TNFRSF19: variants seen among roughly 807,000 people sequenced by gnomAD.
TNFRSF19 encodes tumor necrosis factor receptor superfamily member 19.
In TNFRSF19, 27 loss-of-function variants were observed where a neutral mutation model predicts 46.4. The ratio of observed to expected loss-of-function variants is 0.58; its 90% confidence interval spans 0.43 to 0.80. TNFRSF19 has a LOEUF of 0.80. Among genes scored for constraint, TNFRSF19 ranks in the 30% least tolerant of loss-of-function variants. TNFRSF19 has a pLI of 0.00. For synonymous variants in TNFRSF19, 204 were observed against 205.0 expected (o/e 1.00, Z 0.04); for missense variants, 511 against 530.8 (o/e 0.96, Z 0.37).
At chr13:23,636,472 C>G (rs1882688355) in intron 5 of TNFRSF19, among the ~76,000 whole-genome samples, 1 of 152,140 alleles carries the variant, frequency 6.6e-6, no homozygotes, top group Admixed American at 6.5e-5. Context: ...CCTTTAGGGA[C>G]AGCTATCTTG....
chr13:23,632,783 T>G (rs924297568), intron 5 of TNFRSF19, among the ~76,000 whole-genome samples: 1 of 152,150 alleles, frequency 6.6e-6, no homozygotes, highest in East Asian at 1.9e-4. Context: ...TATTTTTTGT[T>G]GCAAGCATTA....
chr13:23,675,741 C>T lies in TNFRSF19; in HGVS notation c.*2361C>T, dbSNP rs573989596. 3.9e-5 allele frequency: 6 copies of T among 152,320 alleles called. No individual in the cohort carries two copies. Among genetic ancestry groups the T allele is most frequent in the South Asian group, 2.1e-4 (1 of 4,826 alleles). 9.4% of individuals were successfully genotyped at this position (152,320 alleles called of 1,614,324 possible). A position where few individuals can be genotyped will look rare whatever the true frequency, so the allele number is the denominator to read the frequency against. On this transcript the variant is annotated 3_prime_UTR_variant, in exon 10 of 10. Coordinates refer to ENST00000248484, the MANE Select transcript of TNFRSF19 (RefSeq NM_148957.4). The stretch of plus-strand genomic sequence containing the variant: ...AATGCGTGTGGCTGAATGGGCATAA[C>T]CACTGTGGCTTCTTGTGCTGCAGAA...
chr13:23,632,658 C>T (rs1017420112), intron 5 of TNFRSF19, among the ~76,000 whole-genome samples: 2 of 152,210 alleles, frequency 1.3e-5, no homozygotes. Context: ...TCAAAGGTTG[C>T]TTATGTGGAA....
intron 1 of TNFRSF19, among the ~76,000 whole-genome samples, chr13:23,581,265 C>T (rs1177385233): frequency 6.6e-6 from 1 of 152,172 alleles, no homozygotes; most frequent in Non-Finnish European, 1.5e-5. Flanking sequence ...CCTGCCTCAG[C>T]CTCCCGAGTA....
chr13:23,623,235 C>T (rs1718386723), intron 4 of TNFRSF19, among the ~76,000 whole-genome samples: 1 of 152,208 alleles, frequency 6.6e-6, no homozygotes, highest in Non-Finnish European at 1.5e-5. Flanking sequence ...GCTTGTGTCA[C>T]TTAGCACCAT....
chr13:23,636,785 T>C (rs1261610444), intron 5 of TNFRSF19, among the ~76,000 whole-genome samples: 1 of 152,060 alleles, frequency 6.6e-6, no homozygotes, highest in Non-Finnish European at 1.5e-5. Flanking sequence ...CTGTTGGAAG[T>C]AGAGTTGAGG....
In TNFRSF19 at chr13:23,668,880, G is replaced by C; in HGVS notation, c.1028G>C (p.Ser343Thr). 2 of 1,614,246 alleles carry C rather than the reference G, an allele frequency of 1.2e-6. No individual in the cohort carries two copies. Among genetic ancestry groups the C allele is most frequent in the Non-Finnish European group, 1.7e-6 (2 of 1,180,050 alleles). ...CATTCTCTCAATCCAGAACTTGAAA[G>C]CTCAACGTCTTTGGATTCAAATAGC... The part of the protein sequence containing the change: ...DIHSLNPELE[S>T]STSLDSNSSQ... The change falls in exon 9 of 10, where the codon AGC becomes ACC. Residue 343 changes from serine to threonine, a missense_variant. Ser to Thr is a moderately conservative substitution (Grantham distance 58). Around this residue, in one of 3 missense-constraint regions of TNFRSF19, gnomAD observed 376 missense variants for 372.7 expected, o/e 1.01. Coordinates refer to ENST00000248484, the MANE Select transcript of TNFRSF19 (RefSeq NM_148957.4).
At chr13:23,576,536 A>T (rs915243309) in intron 1 of TNFRSF19, among the ~76,000 whole-genome samples, 5 of 152,178 alleles carry the variant, frequency 3.3e-5, no homozygotes, top group African/African-American at 1.2e-4. Context: ...GAAAGTGGGA[A>T]CTATAGTGTT....
chr13:23,622,955 T>C (rs1881768719), intron 4 of TNFRSF19, among the ~76,000 whole-genome samples: 2 of 152,208 alleles, frequency 1.3e-5, no homozygotes, highest in Non-Finnish European at 2.9e-5. Context: ...CATTTTTTTA[T>C]TGTGGTAAAA....
intron 6 of TNFRSF19, 83 bp from the exon 7 acceptor site, chr13:23,660,282 T>G: frequency 7.2e-7 from 1 of 1,388,386 alleles, no homozygotes; most frequent in Admixed American, 2.4e-5. Flanking sequence ...TGATTTGTTC[T>G]TTAAAAATAC....
chr13:23,577,511 A>G (rs1878041797), intron 1 of TNFRSF19, among the ~76,000 whole-genome samples: 1 of 152,248 alleles, frequency 6.6e-6, no homozygotes, highest in Admixed American at 6.5e-5. Flanking sequence ...CTTGAAGAAG[A>G]AAGTTAGTAC....
At chr13:23,671,401 G>A (rs1016407447) in intron 9 of TNFRSF19, among the ~76,000 whole-genome samples, 7 of 151,754 alleles carry the variant, frequency 4.6e-5, no homozygotes, top group Non-Finnish European at 5.9e-5. Context: ...GTATGACATT[G>A]AATTTAAAAA....
chr13:23,576,759 T>C (rs1055777199), intron 1 of TNFRSF19, among the ~76,000 whole-genome samples: 1 of 152,226 alleles, frequency 6.6e-6, no homozygotes, highest in Non-Finnish European at 1.5e-5. Context: ...AAAGTGTACA[T>C]GTTCAGTACA....
chr13:23,601,846 C>T (rs143334805), intron 3 of TNFRSF19, among the ~76,000 whole-genome samples: 55 of 151,842 alleles, frequency 3.6e-4, no homozygotes, highest in Admixed American at 5.2e-4. Flanking sequence ...CTAGGGCAAC[C>T]GTTAAAACAA....
chr13:23,632,814 C>T (rs957249952), intron 5 of TNFRSF19, among the ~76,000 whole-genome samples: 4 of 152,114 alleles, frequency 2.6e-5, no homozygotes, highest in Admixed American at 6.5e-5. Flanking sequence ...CCAAACCAGC[C>T]ATGGTGGAGA....
Position 23,675,102 on chromosome 13 carries a change from C to T in TNFRSF19, c.*1722C>T, listed in dbSNP as rs1951810433. The T allele has an allele frequency of 6.6e-6, 1 of 152,130 alleles. No homozygotes were observed. The highest frequency in any genetic ancestry group is 2.4e-5 in the African/African-American group (1 of 41,416). The allele number at this position is 152,130 out of a possible 1,614,324, so 9.4% of individuals were successfully genotyped here. ...CTTTTTTTAAGTATAAACCAATGAT[C>T]CTTTGGTAGTCAAGAACTCTTAGGA... is the stretch of plus-strand genomic sequence containing the variant. On this transcript the variant is annotated 3_prime_UTR_variant, in exon 10 of 10. Transcript: ENST00000248484.
chr13:23,635,595 T>G (rs1351848677), intron 5 of TNFRSF19, among the ~76,000 whole-genome samples: 1 of 152,172 alleles, frequency 6.6e-6, no homozygotes, highest in Non-Finnish European at 1.5e-5. Flanking sequence ...GCCACGCTGG[T>G]CTTGAAATCC....
intron 3 of TNFRSF19, among the ~76,000 whole-genome samples, chr13:23,612,607 A>G (rs1036522486): frequency 6.6e-6 from 1 of 152,196 alleles, no homozygotes; most frequent in Non-Finnish European, 1.5e-5. Flanking sequence ...TATGAACTGC[A>G]GGCTATTTTT....
intron 1 of TNFRSF19, among the ~76,000 whole-genome samples, chr13:23,587,969 T>C (rs1878965664): frequency 6.6e-6 from 1 of 152,200 alleles, no homozygotes; most frequent in Non-Finnish European, 1.5e-5. Flanking sequence ...GCCTCCTATT[T>C]GTCCGACGGA....
Sources: gnomAD v4.1 joint callset for allele counts (sites outside exome capture counted in the v4.1 genomes callset) on GRCh38, gnomAD v4.1.1 for gene constraint, gnomAD v4.1.1 regional missense constraint, MANE v1.5 for transcripts, NCBI Gene and HGNC (gene_info 2026-07-23, HGNC 2026-07-21) for gene names.